Variants in TNIP3 observed in about 807,000 individuals in gnomAD.
The protein encoded by TNIP3 is TNFAIP3-interacting protein 3.
Under a neutral mutation model 54.1 loss-of-function variants are expected in TNIP3, and 34 were observed. The observed-to-expected ratio is 0.63, with a 90% CI of 0.48 to 0.84. The LOEUF is 0.84. Ranked by LOEUF, TNIP3 falls within the 40% of genes least tolerant of loss-of-function variation. The pLI is 0.00. For synonymous variants in TNIP3, 134 were observed against 136.8 expected (o/e 0.98, Z 0.14); for missense variants, 366 against 387.6 (o/e 0.94, Z 0.47).
At chr4:121,194,289 G>T (rs114959760) in intron 2 of TNIP3, among the ~76,000 whole-genome samples, 10,651 of 151,936 alleles carry the variant, frequency 0.07, 1,240 homozygotes, top group African/African-American at 0.24. Flanking sequence ...TTTTGTGCAC[G>T]TCTTAAAAAT....
intron 2 of TNIP3, among the ~76,000 whole-genome samples, chr4:121,186,920 T>C (rs2148830106): frequency 6.6e-6 from 1 of 152,354 alleles, no homozygotes; most frequent in Non-Finnish European, 1.5e-5. Context: ...TATTCTTTAA[T>C]TAATATAGGA....
At chr4:121,176,711 T>A (rs1293975411) in intron 3 of TNIP3, among the ~76,000 whole-genome samples, 1 of 151,924 alleles carries the variant, frequency 6.6e-6, no homozygotes, top group Non-Finnish European at 1.5e-5. Flanking sequence ...AAGCCAGATT[T>A]TTTTTTTTCC....
At chr4:121,179,041 A>C (rs193247910) in intron 3 of TNIP3, among the ~76,000 whole-genome samples, 21 of 152,362 alleles carry the variant, frequency 1.4e-4, no homozygotes, top group African/African-American at 4.1e-4. Context: ...AAAAGGTTTC[A>C]AAACCAGAAA....
intron 2 of TNIP3, among the ~76,000 whole-genome samples, chr4:121,185,762 A>G (rs1724977638): frequency 6.6e-6 from 1 of 152,238 alleles, no homozygotes; most frequent in Admixed American, 6.5e-5. Context: ...GCAGCTTCAG[A>G]ATGGACACTC....
At chr4:121,173,384 G>A (rs1724098709) in intron 3 of TNIP3, among the ~76,000 whole-genome samples, 1 of 152,058 alleles carries the variant, frequency 6.6e-6, no homozygotes, top group Admixed American at 6.6e-5. Flanking sequence ...AGAAATTAGT[G>A]GTCAGAAAAG....
intron 10 of TNIP3, among the ~76,000 whole-genome samples, chr4:121,135,860 T>C (rs1254319693): frequency 6.6e-6 from 1 of 152,238 alleles, no homozygotes; most frequent in Non-Finnish European, 1.5e-5. Flanking sequence ...CCATCATTTA[T>C]GACAAGAGTG....
intron 2 of TNIP3, among the ~76,000 whole-genome samples, chr4:121,215,129 C>G (rs1726712173): frequency 6.6e-6 from 1 of 152,082 alleles, no homozygotes; most frequent in East Asian, 1.9e-4. Flanking sequence ...ATTTTAAACA[C>G]TATTGTTAGA....
At position 121,164,239 on chromosome 4, in the gene TNIP3, C is replaced by T. The variant is rs1409318493; in HGVS notation, c.-114G>A. 24 of 1,540,678 alleles carry T rather than the reference C, an allele frequency of 1.6e-5. No individual in the cohort carries two copies. In the Middle Eastern group the frequency reaches 1.5e-3, roughly 99 times the overall value. ...ACAAAATTTAAAAAACACACATCACCGTTAACTCATAATAGAAAATAACAG... is the reference window on the plus strand; with the variant it reads ...ACAAAATTTAAAAAACACACATCACTGTTAACTCATAATAGAAAATAACAG... On this transcript the variant is annotated 5_prime_UTR_variant, in exon 1 of 11. Transcript: ENST00000057513.
At chr4:121,150,040 C>G in intron 6 of TNIP3, 63 bp downstream of exon 6, 2 of 1,036,128 alleles carry the variant, frequency 1.9e-6, no homozygotes, top group Non-Finnish European at 2.9e-6. Flanking sequence ...TAAAAATGCC[C>G]AAAGAAGCAT....
At chr4:121,198,951 G>A (rs1449489423) in intron 2 of TNIP3, among the ~76,000 whole-genome samples, 1 of 152,176 alleles carries the variant, frequency 6.6e-6, no homozygotes, top group Non-Finnish European at 1.5e-5. Flanking sequence ...CCTTTAACAT[G>A]TAAACCTTTA....
At chr4:121,181,425 A>G (rs577410432) in intron 3 of TNIP3, among the ~76,000 whole-genome samples, 13 of 152,332 alleles carry the variant, frequency 8.5e-5, no homozygotes, top group African/African-American at 3.1e-4. Flanking sequence ...AAGAGGCCTT[A>G]TTTGACCTCA....
chr4:121,192,921 T>A (rs1250640604), intron 2 of TNIP3: 2 of 152,236 alleles, frequency 1.3e-5, no homozygotes, highest in East Asian at 1.9e-4. Flanking sequence ...TATTCCTTAA[T>A]GAAGCTGGTT....
chr4:121,214,331 CTATT>C (rs1726664226), intron 2 of TNIP3, among the ~76,000 whole-genome samples: 1 of 152,194 alleles, frequency 6.6e-6, no homozygotes, highest in Non-Finnish European at 1.5e-5. Context: ...CTAACCCTAT[CTATT>C]TCTTTCAGAA....
intron 2 of TNIP3, among the ~76,000 whole-genome samples, chr4:121,183,109 G>A (rs1270121896): frequency 3.3e-5 from 5 of 152,146 alleles, no homozygotes; most frequent in African/African-American, 1.2e-4. Context: ...CTTATTCAAT[G>A]TGCACAGCAA....
intron 4 of TNIP3, 102 bp from the exon 5 acceptor site, chr4:121,154,781 G>A: frequency 9.1e-7 from 1 of 1,103,726 alleles, no homozygotes; most frequent in Non-Finnish European, 1.3e-6. Context: ...AGATTGAGGG[G>A]TCACCCTTCT....
chr4:121,179,359 T>C (rs1458724541), intron 3 of TNIP3, among the ~76,000 whole-genome samples: 2 of 152,346 alleles, frequency 1.3e-5, no homozygotes, highest in Non-Finnish European at 2.9e-5. Context: ...AAGACAGTCA[T>C]ATTTAAGTGT....
intron 3 of TNIP3, among the ~76,000 whole-genome samples, chr4:121,178,894 A>G (rs1417830430): frequency 6.6e-6 from 1 of 152,176 alleles, no homozygotes; most frequent in Non-Finnish European, 1.5e-5. Flanking sequence ...CATAATCCAT[A>G]TGAGAGAAAA....
chr4:121,218,935 C>A (rs1726919267), upstream of TNIP3, among the ~76,000 whole-genome samples: 1 of 152,290 alleles, frequency 6.6e-6, no homozygotes, highest in African/African-American at 2.4e-5. Flanking sequence ...CATGGTGGCT[C>A]ACGCCTGTAA....
At chr4:121,162,956 A>C (rs17051302) in intron 1 of TNIP3, among the ~76,000 whole-genome samples, 2,700 of 152,300 alleles carry the variant, frequency 0.018, 224 homozygotes, top group Admixed American at 0.14. Flanking sequence ...TGGAACAATG[A>C]GACAGTGTGC....
Sources: allele counts gnomAD v4.1 joint callset (sites outside exome capture counted in the v4.1 genomes callset), GRCh38; gene constraint gnomAD v4.1.1; transcripts MANE v1.5; gene names NCBI Gene and HGNC (gene_info 2026-07-23, HGNC 2026-07-21).